NRXN3: variants seen among roughly 807,000 people sequenced by gnomAD.
NRXN3 encodes neurexin 3, also known as neurexin III.
NRXN3 carries 32 observed loss-of-function variants against 137.6 expected under a neutral mutation model. That is an observed-to-expected ratio of 0.23 (90% confidence interval 0.18 to 0.31). The LOEUF is 0.31. Among genes scored for constraint, NRXN3 ranks in the 10% least tolerant of loss-of-function variants. The probability of loss-of-function intolerance (pLI) is 1.00; values close to 1 mark genes in which losing one functional copy is unlikely to be tolerated. For synonymous variants in NRXN3, 798 were observed against 784.5 expected (o/e 1.02, Z -0.29); for missense variants, 1,574 against 2,062.5 (o/e 0.76, Z 4.59).
intron 4 of NRXN3, among the ~76,000 whole-genome samples, chr14:78,311,049 A>T (rs1047275841): frequency 2.6e-5 from 4 of 152,172 alleles, no homozygotes; most frequent in Non-Finnish European, 5.9e-5. Flanking sequence ...CTTTTTGACT[A>T]TCTGTGTTTT....
At chr14:78,187,822 A>G (rs2060370510) in intron 1 of NRXN3, among the ~76,000 whole-genome samples, 1 of 139,838 alleles carries the variant, frequency 7.2e-6, no homozygotes, top group Non-Finnish European at 1.5e-5. Context: ...GATGTGGGAT[A>G]GGTTGAGGCA....
intron 16 of NRXN3, among the ~76,000 whole-genome samples, chr14:79,634,386 G>C (rs192250948): frequency 1.3e-5 from 2 of 152,232 alleles, no homozygotes; most frequent in African/African-American, 4.8e-5. Context: ...GTTACGTATG[G>C]AAAAAGCCTC....
intron 15 of NRXN3, among the ~76,000 whole-genome samples, chr14:79,179,788 G>A (rs2062725779): frequency 1.3e-5 from 2 of 152,138 alleles, no homozygotes; most frequent in Non-Finnish European, 2.9e-5. Context: ...AGAGAACATT[G>A]TGAATATATA....
chr14:78,730,337 T>C (rs2098508972), intron 8 of NRXN3, among the ~76,000 whole-genome samples: 1 of 152,198 alleles, frequency 6.6e-6, no homozygotes, highest in African/African-American at 2.4e-5. Flanking sequence ...TCCCTTTTTA[T>C]TCACCCCTCT....
chr14:79,200,538 A>T (rs890641681), intron 15 of NRXN3, among the ~76,000 whole-genome samples: 7 of 152,138 alleles, frequency 4.6e-5, no homozygotes, highest in Admixed American at 2.0e-4. Context: ...ATCATTGAGG[A>T]TGAAGAAGAA....
chr14:78,223,745 C>T (rs2064132520), intron 1 of NRXN3, among the ~76,000 whole-genome samples: 1 of 152,128 alleles, frequency 6.6e-6, no homozygotes, highest in African/African-American at 2.4e-5. Flanking sequence ...GAGATGTGGC[C>T]AGAGGTTGGG....
chr14:79,319,846 T>G (rs550726322), intron 15 of NRXN3, among the ~76,000 whole-genome samples: 166 of 152,280 alleles, frequency 1.1e-3, no homozygotes, highest in African/African-American at 3.8e-3. Flanking sequence ...TGTTAATGGG[T>G]GTCCTTATGT....
At chr14:78,185,409 T>C (rs2060150120) in intron 1 of NRXN3, among the ~76,000 whole-genome samples, 1 of 152,044 alleles carries the variant, frequency 6.6e-6, no homozygotes, top group Non-Finnish European at 1.5e-5. Flanking sequence ...ATGGAGAGAT[T>C]CCTCCAAATA....
chr14:78,708,049 C>G (rs1053851438), intron 6 of NRXN3, among the ~76,000 whole-genome samples: 15 of 152,190 alleles, frequency 9.9e-5, no homozygotes, highest in African/African-American at 3.6e-4. Flanking sequence ...GACTTCTTTT[C>G]CTCTGGGTAG....
intron 1 of NRXN3, among the ~76,000 whole-genome samples, chr14:78,204,266 T>C (rs1317016500): frequency 6.6e-6 from 1 of 151,846 alleles, no homozygotes; most frequent in Non-Finnish European, 1.5e-5. Context: ...TTTTTTTTTT[T>C]GTTTTAACCT....
intron 10 of NRXN3, among the ~76,000 whole-genome samples, chr14:78,875,510 A>G (rs2099112014): frequency 1.3e-5 from 2 of 152,188 alleles, no homozygotes; most frequent in South Asian, 4.1e-4. Flanking sequence ...ACTTTTTTCC[A>G]TAGGCTGTTA....
At chr14:78,234,187 T>C (rs1382651255) in intron 1 of NRXN3, among the ~76,000 whole-genome samples, 2 of 152,240 alleles carry the variant, frequency 1.3e-5, no homozygotes, top group Non-Finnish European at 2.9e-5. Flanking sequence ...ATTAAACTTC[T>C]TTCCTTTATA....
chr14:79,181,535 T>C (rs1596946833), intron 15 of NRXN3, among the ~76,000 whole-genome samples: 1 of 151,814 alleles, frequency 6.6e-6, no homozygotes, highest in East Asian at 1.9e-4. Flanking sequence ...ACACAAAAAT[T>C]AGCCGGGCGG....
chr14:78,913,543 G>C (rs1223484020), intron 10 of NRXN3, among the ~76,000 whole-genome samples: 1 of 151,924 alleles, frequency 6.6e-6, no homozygotes, highest in Non-Finnish European at 1.5e-5. Context: ...CTCCCAAAGT[G>C]CTGGGATTAT....
At chr14:79,667,935 T>C (rs2098576058) in intron 17 of NRXN3, among the ~76,000 whole-genome samples, 1 of 152,052 alleles carries the variant, frequency 6.6e-6, no homozygotes, top group Non-Finnish European at 1.5e-5. Flanking sequence ...CTGTCACTGC[T>C]GTAAGATCCC....
chr14:79,363,981 G>A (rs2093782029), intron 15 of NRXN3, among the ~76,000 whole-genome samples: 1 of 152,152 alleles, frequency 6.6e-6, no homozygotes, highest in African/African-American at 2.4e-5. Context: ...AGAGAATAAT[G>A]GGTGCTTGGG....
chr14:78,258,948 T>C (rs1015210725), intron 2 of NRXN3, among the ~76,000 whole-genome samples: 7 of 151,988 alleles, frequency 4.6e-5, no homozygotes, highest in Admixed American at 2.0e-4. Flanking sequence ...CTGGCCAACA[T>C]AGTGAAACAC....
intron 15 of NRXN3, among the ~76,000 whole-genome samples, chr14:79,063,835 A>T (rs1179370256): frequency 2.0e-5 from 3 of 152,182 alleles, no homozygotes; most frequent in Non-Finnish European, 4.4e-5. Flanking sequence ...ATTGTTTAAC[A>T]TGTTGGAATT....
intron 16 of NRXN3, among the ~76,000 whole-genome samples, chr14:79,616,538 T>C (rs748188227): frequency 1.3e-5 from 2 of 151,936 alleles, no homozygotes; most frequent in African/African-American, 2.4e-5. Flanking sequence ...CAAGAGAGGA[T>C]AAAGAAACTA....
Sources: allele counts gnomAD v4.1 joint callset (sites outside exome capture counted in the v4.1 genomes callset), GRCh38; gene constraint gnomAD v4.1.1; transcripts MANE v1.5; gene names NCBI Gene and HGNC (gene_info 2026-07-23, HGNC 2026-07-21).